TASP1: variants seen among roughly 807,000 people sequenced by gnomAD.
The protein encoded by TASP1 is taspase 1.
TASP1 carries 16 observed loss-of-function variants against 56.6 expected under a neutral mutation model. That is an observed-to-expected ratio of 0.28 (90% CI 0.19 to 0.43). TASP1 has a LOEUF of 0.43. Ranked by LOEUF, TASP1 falls within the 20% of genes least tolerant of loss-of-function variation. TASP1 has a pLI of 1.00. For missense variants in TASP1, 393 were observed against 511.6 expected, an observed-to-expected ratio of 0.77 and a Z score of 2.24; for synonymous variants, 179 against 184.2, an observed-to-expected ratio of 0.97 and a Z score of 0.23.
chr20:13,562,101 A>AAT (rs2046362482), intron 7 of TASP1, among the ~76,000 whole-genome samples: 1 of 152,210 alleles, frequency 6.6e-6, no homozygotes, highest in Non-Finnish European at 1.5e-5. Flanking sequence ...TATCTTCTCC[A>AAT]ACTACAACAG....
At chr20:13,174,845 T>C in the TASP1 span, among the ~76,000 whole-genome samples, 1 of 152,186 alleles carries the variant, frequency 6.6e-6, no homozygotes, top group Non-Finnish European at 1.5e-5. Flanking sequence ...TAAACTGTAA[T>C]AATCCCCACA....
intron 10 of TASP1, 69 bp from the exon 11 acceptor site, chr20:13,483,406 T>A: frequency 3.0e-6 from 3 of 1,000,106 alleles, no homozygotes; most frequent in African/African-American, 1.6e-5. Context: ...TCAATAGCAT[T>A]AGAACACCCT....
At chr20:13,547,104 T>C (rs758484744) in intron 8 of TASP1, among the ~76,000 whole-genome samples, 4 of 152,200 alleles carry the variant, frequency 2.6e-5, no homozygotes, top group Non-Finnish European at 5.9e-5. Context: ...TAATGTCAAC[T>C]GAGTAAAGGC....
chr20:13,184,028 C>CAAAAAAAA, the TASP1 span, among the ~76,000 whole-genome samples: 4 of 61,518 alleles, frequency 6.5e-5, no homozygotes, highest in African/African-American at 6.4e-5. Context: ...GACTCTGTCT[C>CAAAAAAAA]AAAAAAAAAA....
the TASP1 span, among the ~76,000 whole-genome samples, chr20:13,380,173 A>C: frequency 2.6e-5 from 4 of 152,152 alleles, no homozygotes; most frequent in South Asian, 2.1e-4. Context: ...TGGAATTTTC[A>C]GCCTTTTTGT....
chr20:13,330,185 C>T, the TASP1 span, among the ~76,000 whole-genome samples: 1 of 152,018 alleles, frequency 6.6e-6, no homozygotes, highest in Non-Finnish European at 1.5e-5. Flanking sequence ...GAACTCCTGA[C>T]CTCAAGTGAT....
At chr20:13,117,197 C>G in the TASP1 span, among the ~76,000 whole-genome samples, 1 of 152,200 alleles carries the variant, frequency 6.6e-6, no homozygotes, top group South Asian at 2.1e-4. Context: ...AATGGTCAGT[C>G]TAGTTACACC....
In TASP1 at chr20:13,540,274, C is replaced by T. The variant is rs184556370; in HGVS notation, c.676-6133G>A. 3.2e-3 allele frequency among the ~76,000 whole-genome samples: 493 copies of T among 152,210 alleles called. 2 individuals are homozygous for T. Among genetic ancestry groups the T allele is most frequent in the East Asian group, 0.012 (60 of 5,182 alleles). On this transcript the variant is annotated intron_variant, in intron 8 of 13. Coordinates refer to ENST00000337743, the MANE Select transcript of TASP1 (RefSeq NM_017714.3). Reference sequence around the variant, plus strand: ...TTAAATATTTAATGATAAGTATGTCCAATTTGACTTATTTGTCTGAAATGA... The same window carrying T: ...TTAAATATTTAATGATAAGTATGTCTAATTTGACTTATTTGTCTGAAATGA...
chr20:13,167,388 A>T, the TASP1 span: 1 of 150,446 alleles, frequency 6.6e-6, no homozygotes, highest in African/African-American at 2.4e-5. Context: ...GTCTTTGGTT[A>T]GATCTGTTGG....
chr20:13,157,345 G>A, the TASP1 span, among the ~76,000 whole-genome samples: 1 of 152,022 alleles, frequency 6.6e-6, no homozygotes, highest in South Asian at 2.1e-4. Context: ...ATTGAGGCAG[G>A]ATAATCGCTG....
the TASP1 span, among the ~76,000 whole-genome samples, chr20:13,336,059 T>A: frequency 3.9e-5 from 6 of 151,956 alleles, 1 homozygote; most frequent in South Asian, 1.2e-3. Flanking sequence ...AAAAAGAAGA[T>A]CTTAAACGCT....
Position 13,433,724 on chromosome 20 carries a change from T to C in TASP1, c.1096+1320A>G, listed in dbSNP as rs561574672. ...ATAAACTATGAAGGGACGTGTACTATAGCAATCGACAACAATCACACAATA... is the reference window on the plus strand; with the variant it reads ...ATAAACTATGAAGGGACGTGTACTACAGCAATCGACAACAATCACACAATA... On this transcript the variant is annotated intron_variant, in intron 12 of 13. Transcript: ENST00000337743. 7.3e-5 allele frequency among the ~76,000 whole-genome samples: 11 copies of C among 151,492 alleles called. No individual in the cohort carries two copies. In the East Asian group the frequency reaches 1.8e-3, roughly 24 times the overall value.
intron 8 of TASP1, among the ~76,000 whole-genome samples, chr20:13,551,000 A>G (rs1354468612): frequency 2.6e-5 from 4 of 152,196 alleles, no homozygotes; most frequent in African/African-American, 9.6e-5. Flanking sequence ...GATAAAAGGG[A>G]AAAATGTTAC....
intron 12 of TASP1, among the ~76,000 whole-genome samples, chr20:13,427,813 A>C (rs1317777730): frequency 6.6e-6 from 1 of 152,200 alleles, no homozygotes; most frequent in Non-Finnish European, 1.5e-5. Flanking sequence ...AGATGAAAAA[A>C]AGGATAAAAG....
At chr20:13,268,175 TCTC>T in the TASP1 span, among the ~76,000 whole-genome samples, 12 of 133,616 alleles carry the variant, frequency 9.0e-5, no homozygotes, top group East Asian at 1.6e-3. Context: ...TCTCCTCTCC[TCTC>T]CTCTTCTCTT....
At chr20:13,405,815 G>A (rs1188840060) in intron 13 of TASP1, among the ~76,000 whole-genome samples, 1 of 150,766 alleles carries the variant, frequency 6.6e-6, no homozygotes, top group Non-Finnish European at 1.5e-5. Flanking sequence ...CTCAGCCTCC[G>A]AAAGTGCTGA....
chr20:13,635,984 T>C (rs1479902469), intron 1 of TASP1, among the ~76,000 whole-genome samples: 2 of 152,242 alleles, frequency 1.3e-5, no homozygotes, highest in South Asian at 2.1e-4. Flanking sequence ...CCTGTTGCTG[T>C]GGTGTTAAAG....
the TASP1 span, among the ~76,000 whole-genome samples, chr20:13,349,555 G>C: frequency 6.6e-6 from 1 of 151,904 alleles, no homozygotes; most frequent in Non-Finnish European, 1.5e-5. Context: ...AATTCCGAAA[G>C]AAACAAAGAA....
chr20:13,375,503 T>C, the TASP1 span, among the ~76,000 whole-genome samples: 1 of 152,328 alleles, frequency 6.6e-6, no homozygotes, highest in Admixed American at 6.5e-5. Context: ...TCTGAGTTGG[T>C]TCCAAGTCTT....
Sources: allele counts gnomAD v4.1 joint callset (sites outside exome capture counted in the v4.1 genomes callset), GRCh38; gene constraint gnomAD v4.1.1; transcripts MANE v1.5; gene names NCBI Gene and HGNC (gene_info 2026-07-23, HGNC 2026-07-21).